Variants in ALDH2 observed in about 807,000 individuals in gnomAD.
The protein encoded by ALDH2 is aldehyde dehydrogenase, mitochondrial.
In ALDH2, 44 loss-of-function variants were observed where a neutral mutation model predicts 59.6. That is an observed-to-expected ratio of 0.74 (90% CI 0.58 to 0.95). ALDH2 has a LOEUF of 0.95. ALDH2 is among the 40% of genes least tolerant of loss of function. The pLI is 0.00. For synonymous variants in ALDH2, 291 were observed against 284.0 expected, an observed-to-expected ratio of 1.02 and a Z score of -0.25; for missense variants, 570 against 696.3, an observed-to-expected ratio of 0.82 and a Z score of 2.04.
At chr12:111,799,529 G>A (rs2068431955) in intron 10 of ALDH2, among the ~76,000 whole-genome samples, 1 of 146,846 alleles carries the variant, frequency 6.8e-6, no homozygotes, top group Non-Finnish European at 1.5e-5. Context: ...GGCTGGACTC[G>A]AACTCCTAGA....
At position 111,809,840 on chromosome 12, in the gene ALDH2, CCTCT is replaced by C. The variant is rs1477264166; in HGVS notation, c.*270_*273del. 1 of 528,186 alleles carries C rather than the reference CCTCT, an allele frequency of 1.9e-6. No homozygotes were observed. Among genetic ancestry groups the C allele is most frequent in the Non-Finnish European group, 3.4e-6 (1 of 296,820 alleles). The allele number at this position is 528,186 out of a possible 1,614,324, so 32.7% of individuals were successfully genotyped here. ...TAAAAAATAGATTCAAATGTGTTATCCTCTCTCTGAAACGCTTCCTATAACTCGA... is the reference window on the plus strand; with the variant it reads ...TAAAAAATAGATTCAAATGTGTTATCCTCTGAAACGCTTCCTATAACTCGA... On this transcript the variant is annotated 3_prime_UTR_variant, in exon 13 of 13. Coordinates refer to ENST00000261733, the MANE Select transcript of ALDH2 (RefSeq NM_000690.4).
chr12:111,767,109 G>A lies in ALDH2; in HGVS notation c.114+13G>A. On this transcript the variant is annotated intron_variant, in intron 1 of 12. Transcript: ENST00000261733. Reference sequence around the variant, plus strand: ...CTTCTGCAACCAGGTGAGCCCACCGGCCGGGCTCGCGCTTTGTTTTCCGGC... The same window carrying A: ...CTTCTGCAACCAGGTGAGCCCACCGACCGGGCTCGCGCTTTGTTTTCCGGC... 1 of 1,474,174 alleles carries A rather than the reference G, an allele frequency of 6.8e-7. No homozygotes were observed. Among genetic ancestry groups the A allele is most frequent in the Non-Finnish European group, 8.9e-7 (1 of 1,120,032 alleles). The allele number at this position is 1,474,174 out of a possible 1,614,324, so 91.3% of individuals were successfully genotyped here.
chr12:111,770,014 C>T (rs550809455), intron 1 of ALDH2, among the ~76,000 whole-genome samples: 40 of 151,974 alleles, frequency 2.6e-4, no homozygotes, highest in African/African-American at 4.1e-4. Context: ...CATGGTGGCG[C>T]GCACCTGTAA....
chr12:111,782,074 A>G (rs1452794295), intron 2 of ALDH2, 52 bp downstream of exon 2: 8 of 1,422,096 alleles, frequency 5.6e-6, no homozygotes, highest in Non-Finnish European at 7.9e-6. Flanking sequence ...CTTCTATTTT[A>G]TACGTTTTTG....
intron 1 of ALDH2, among the ~76,000 whole-genome samples, chr12:111,770,856 AGGCTGGCTG>A (rs976277265): frequency 6.6e-6 from 1 of 152,074 alleles, no homozygotes; most frequent in African/African-American, 2.4e-5. Context: ...CATGTTGGCC[AGGCTGGCTG>A]GTCTTGAACT....
intron 1 of ALDH2, 150 bp downstream of exon 1, chr12:111,767,246 C>T (rs2136004226): frequency 1.7e-6 from 1 of 599,710 alleles, no homozygotes; most frequent in East Asian, 3.5e-5. Context: ...TCTGCCCCCT[C>T]CTCTCCTGCA....
At chr12:111,773,912 G>A (rs1387074181) in intron 1 of ALDH2, among the ~76,000 whole-genome samples, 1 of 152,118 alleles carries the variant, frequency 6.6e-6, no homozygotes, top group African/African-American at 2.4e-5. Flanking sequence ...CCAGAAGTGA[G>A]GTAAAGGGTT....
intron 1 of ALDH2, among the ~76,000 whole-genome samples, chr12:111,779,777 C>T (rs2068258836): frequency 6.6e-6 from 1 of 152,244 alleles, no homozygotes; most frequent in Admixed American, 6.5e-5. Flanking sequence ...TGCCAGGACA[C>T]TGGTTTACCA....
rs147887880 is a variant in ALDH2, at chr12:111,792,608, C to G, written c.909C>G (p.Ala303=). 2.5e-5 allele frequency: 41 copies of G among 1,612,058 alleles called. No individual in the cohort carries two copies. Among genetic ancestry groups the G allele is most frequent in the Non-Finnish European group, 3.4e-5 (40 of 1,179,752 alleles). Residue 303 remains alanine, a synonymous_variant, in exon 9 of 13, where the codon GCC becomes GCG. Transcript: ENST00000261733. ...IIMSDADMDW[A]VEQAHFALFF... ...GCCCACTTCCCGCAGTGGATTGGGC[C>G]GTGGAACAGGCCCACTTCGCCCTGT...
intron 10 of ALDH2, 145 bp downstream of exon 10, chr12:111,798,387 T>A: frequency 1.3e-6 from 1 of 799,024 alleles, no homozygotes; most frequent in Non-Finnish European, 1.9e-6. Context: ...CATAACACGC[T>A]ATTCATAGTA....
At chr12:111,786,747 A>G (rs1041518564) in intron 4 of ALDH2, among the ~76,000 whole-genome samples, 1 of 151,068 alleles carries the variant, frequency 6.6e-6, no homozygotes, top group Non-Finnish European at 1.5e-5. Context: ...GGGTCTTGCT[A>G]TGTTGCCCAG....
chr12:111,782,860 G>A (rs2068282352), intron 2 of ALDH2, among the ~76,000 whole-genome samples: 1 of 151,828 alleles, frequency 6.6e-6, no homozygotes, highest in Non-Finnish European at 1.5e-5. Context: ...CTCCAGCCTG[G>A]GCGACAGAGC....
chr12:111,767,249 C>G (rs2068166218), intron 1 of ALDH2, among the ~76,000 whole-genome samples, 153 bp downstream of exon 1: 1 of 152,196 alleles, frequency 6.6e-6, no homozygotes, highest in South Asian at 2.1e-4. Flanking sequence ...GCCCCCTCCT[C>G]TCCTGCAAGC....
chr12:111,778,896 T>C (rs1294895216), intron 1 of ALDH2, among the ~76,000 whole-genome samples: 1 of 151,032 alleles, frequency 6.6e-6, no homozygotes, highest in Admixed American at 6.6e-5. Flanking sequence ...TCTTTTTCTG[T>C]CACCCAGGCT....
intron 12 of ALDH2, among the ~76,000 whole-genome samples, chr12:111,807,860 G>T (rs370781160): frequency 2.7e-5 from 4 of 150,816 alleles, no homozygotes; most frequent in African/African-American, 9.7e-5. Context: ...TTAAGTAGAA[G>T]AATTAGGTGG....
intron 11 of ALDH2, among the ~76,000 whole-genome samples, chr12:111,802,388 G>A (rs75480510): frequency 0.1 from 14,891 of 147,992 alleles, 817 homozygotes; most frequent in East Asian, 0.24. Flanking sequence ...CTCCAGCCTG[G>A]GTGACAGAGC....
chr12:111,809,421 TC>T, intron 12 of ALDH2, 121 bp from the exon 13 acceptor site: 1 of 1,058,700 alleles, frequency 9.4e-7, no homozygotes, highest in South Asian at 1.4e-5. Flanking sequence ...ACCCCTGTAC[TC>T]CAGTCTGGGG....
At chr12:111,797,792 T>C (rs1470728676) in intron 9 of ALDH2, among the ~76,000 whole-genome samples, 4 of 152,214 alleles carry the variant, frequency 2.6e-5, no homozygotes, top group African/African-American at 9.6e-5. Flanking sequence ...TCTAACAGTA[T>C]ATGTAACGGT....
chr12:111,803,500 G>A (rs112609680), intron 11 of ALDH2, among the ~76,000 whole-genome samples: 7 of 152,116 alleles, frequency 4.6e-5, no homozygotes, highest in South Asian at 2.1e-4. Context: ...AACTACTTGG[G>A]AGGCTGAGGC....
Sources: gnomAD v4.1 joint callset for allele counts (sites outside exome capture counted in the v4.1 genomes callset) on GRCh38, gnomAD v4.1.1 for gene constraint, MANE v1.5 for transcripts, NCBI Gene and HGNC (gene_info 2026-07-23, HGNC 2026-07-21) for gene names.